Variants in SMARCA5 observed in about 807,000 individuals in gnomAD.
SMARCA5 encodes the protein SNF2 related chromatin remodeling ATPase 5.
In SMARCA5, 18 loss-of-function variants were observed where a neutral mutation model predicts 140.4. The observed-to-expected ratio is 0.13, with a 90% CI of 0.09 to 0.19. The LOEUF (loss-of-function observed/expected upper bound fraction) is 0.19, where lower values mean the gene tolerates loss of function less well. Ranked by LOEUF, SMARCA5 falls within the 10% of genes least tolerant of loss-of-function variation. SMARCA5 has a pLI of 1.00. For missense variants in SMARCA5, 606 were observed against 1,276.8 expected, an observed-to-expected ratio of 0.47 and a Z score of 8.01; for synonymous variants, 449 against 419.6, an observed-to-expected ratio of 1.07 and a Z score of -0.86.
Position 143,543,792 on chromosome 4 carries a change from G to T in SMARCA5, c.2053-61G>T, listed in dbSNP as rs200915953. The T allele has an allele frequency of 3.5e-4, 542 of 1,558,896 alleles. 2 individuals carry two copies. The South Asian group carries it at 6.2e-3, about 18-fold the overall frequency. ...TGTGTACGTGAAGTTAATTTATTTT[G>T]ACTGCAGTTTTCATGCTTTCTTTGC... On this transcript the variant is annotated intron_variant, in intron 15 of 23. Transcript: ENST00000283131.
rs1261503447 is a variant in SMARCA5, at chr4:143,546,898, T to C, written c.2643T>C (p.Ile881=). ...AAGGCAAAACTCCAGAAGAAGTCAT[T>C]GAATATTCAGGTAATTCTTTTAAGC... ...EVEGKTPEEV[I]EYSAVFWERC... Residue 881 remains isoleucine (I), a synonymous_variant, in exon 20 of 24, where the codon ATT becomes ATC. Coordinates refer to ENST00000283131, the MANE Select transcript of SMARCA5 (RefSeq NM_003601.4). 1 of 1,612,676 alleles carries C rather than the reference T, an allele frequency of 6.2e-7. No homozygotes were observed. Among genetic ancestry groups the C allele is most frequent in the Admixed American group, 1.7e-5 (1 of 59,958 alleles).
intron 12 of SMARCA5, 36 bp from the exon 13 acceptor site, chr4:143,538,750 A>G: frequency 1.2e-6 from 2 of 1,613,410 alleles, no homozygotes; most frequent in Non-Finnish European, 1.7e-6. Context: ...AAAGAATCAG[A>G]TAAATTTTTT....
chr4:143,541,422 C>A (rs958685766), intron 14 of SMARCA5, among the ~76,000 whole-genome samples: 1 of 152,166 alleles, frequency 6.6e-6, no homozygotes. Context: ...TCTTTGGTAT[C>A]CCTAATGCTA....
chr4:143,537,466 A>G (rs1029708521), intron 11 of SMARCA5, among the ~76,000 whole-genome samples: 1 of 152,200 alleles, frequency 6.6e-6, no homozygotes, highest in Non-Finnish European at 1.5e-5. Context: ...TTGTCAGTGA[A>G]TGGGTTTACT....
intron 17 of SMARCA5, among the ~76,000 whole-genome samples, chr4:143,545,220 C>T (rs368750306): frequency 1.2e-3 from 177 of 152,216 alleles, no homozygotes; most frequent in African/African-American, 4.0e-3. Context: ...GGATTACAGG[C>T]GTGAGCCACT....
chr4:143,516,238 T>C (rs1288708544), intron 1 of SMARCA5, among the ~76,000 whole-genome samples: 1 of 148,416 alleles, frequency 6.7e-6, no homozygotes, highest in Non-Finnish European at 1.5e-5. Context: ...GTGACAAAGC[T>C]GATTTTCCCA....
At chr4:143,544,475 A>C (rs1737484698) in intron 16 of SMARCA5, 1 of 270,834 alleles carries the variant, frequency 3.7e-6, no homozygotes, top group African/African-American at 2.2e-5. Context: ...TTAGATTTAT[A>C]CCAAACATTC....
chr4:143,535,959 G>A lies in SMARCA5; in HGVS notation c.1269-493G>A, dbSNP rs533610513. Among the ~76,000 whole-genome samples the A allele has an allele frequency of 5.3e-5, 8 of 152,050 alleles. No individual in the cohort carries two copies. In the South Asian group the frequency reaches 1.7e-3, roughly 32 times the overall value. On this transcript the variant is annotated intron_variant, in intron 10 of 23. Transcript: ENST00000283131. ...TTTATACGTATGTTTAAGTCACGTTGTATTCATATTATTCTCATCATCATG... is the reference window on the plus strand; with the variant it reads ...TTTATACGTATGTTTAAGTCACGTTATATTCATATTATTCTCATCATCATG...
chr4:143,543,294 C>T (rs899409309), intron 14 of SMARCA5, among the ~76,000 whole-genome samples: 1 of 152,096 alleles, frequency 6.6e-6, no homozygotes, highest in African/African-American at 2.4e-5. Context: ...TTATATAATA[C>T]ATAAGGTTTA....
At chr4:143,527,452 T>C (rs1443533046) in intron 6 of SMARCA5, among the ~76,000 whole-genome samples, 1 of 152,216 alleles carries the variant, frequency 6.6e-6, no homozygotes, top group Admixed American at 6.5e-5. Context: ...ATAATACTAT[T>C]AGGAATGTGT....
rs1737715877 is a variant in SMARCA5, at chr4:143,554,879, A to T, written c.*1695A>T. ...AGATACACAGTGGAAATGCAAAATG[A>T]ATCAAGTATAGTGGTAGCCCTGAGA... On this transcript the variant is annotated 3_prime_UTR_variant, in exon 24 of 24. Coordinates refer to ENST00000283131, the MANE Select transcript of SMARCA5 (RefSeq NM_003601.4). 1 of 230,986 alleles carries T rather than the reference A, an allele frequency of 4.3e-6. No homozygotes were observed. Among genetic ancestry groups the T allele is most frequent in the African/African-American group, 2.3e-5 (1 of 43,468 alleles). 14.3% of individuals were successfully genotyped at this position (230,986 alleles called of 1,614,324 possible).
At position 143,515,328 on chromosome 4, in the gene SMARCA5, C is replaced by T. The variant is rs140393226; in HGVS notation, c.177+1227C>T. 2.0e-5 allele frequency among the ~76,000 whole-genome samples: 3 copies of T among 152,200 alleles called. No individual in the cohort carries two copies. The East Asian group carries it at 5.8e-4, about 29-fold the overall frequency. ...GTGACATAGGAACTCCTGATAGTTC[C>T]TGTAGTTTTGAGTGATTAAGATAAG... On this transcript the variant is annotated intron_variant, in intron 1 of 23. Transcript: ENST00000283131.
chr4:143,544,668 C>T, intron 16 of SMARCA5, 69 bp from the exon 17 acceptor site: 1 of 864,670 alleles, frequency 1.2e-6, no homozygotes. Flanking sequence ...TTACAAACAT[C>T]CTTCTTGATG....
At chr4:143,535,040 T>C (rs1737275325) in intron 10 of SMARCA5, 76 bp downstream of exon 10, 1 of 1,013,048 alleles carries the variant, frequency 9.9e-7, no homozygotes, top group Non-Finnish European at 1.4e-6. Context: ...TTTCCTAATT[T>C]GTGTCTTCAT....
intron 4 of SMARCA5, 129 bp downstream of exon 4, chr4:143,524,596 G>A (rs1466550279): frequency 3.3e-6 from 2 of 598,432 alleles, no homozygotes; most frequent in African/African-American, 3.7e-5. Flanking sequence ...TATTGGTTAT[G>A]AAATAAACTT....
At chr4:143,547,776 C>T (rs7687839) in intron 21 of SMARCA5, 152 bp from the exon 22 acceptor site, 296,109 of 542,690 alleles carry the variant, frequency 0.55, 82,483 homozygotes, top group Middle Eastern at 0.58. Context: ...AAAGGTCTTT[C>T]GGGACAAAGA....
intron 22 of SMARCA5, among the ~76,000 whole-genome samples, chr4:143,549,112 G>A (rs1737587530): frequency 6.6e-6 from 1 of 152,010 alleles, no homozygotes; most frequent in African/African-American, 2.4e-5. Context: ...ATTTTATAGT[G>A]ATTGTAACAA....
chr4:143,555,655 T>G lies in SMARCA5; in HGVS notation c.*2471T>G, dbSNP rs1462475836. On this transcript the variant is annotated 3_prime_UTR_variant, in exon 24 of 24. Transcript: ENST00000283131. Reference sequence around the variant, plus strand: ...TGGAGGCTATTATAAAGTGTAATTATTACTACTTTTAAGAGACAGGGTCTT... The same window carrying G: ...TGGAGGCTATTATAAAGTGTAATTAGTACTACTTTTAAGAGACAGGGTCTT... 4.1e-6 allele frequency: 1 copy of G among 243,312 alleles called. No homozygotes were observed. Among genetic ancestry groups the G allele is most frequent in the African/African-American group, 2.3e-5 (1 of 43,056 alleles). 15.1% of individuals were successfully genotyped at this position (243,312 alleles called of 1,614,324 possible).
chr4:143,544,694 G>C (rs768969534), intron 16 of SMARCA5, 43 bp from the exon 17 acceptor site: 3 of 1,030,100 alleles, frequency 2.9e-6, no homozygotes, highest in Non-Finnish European at 4.5e-6. Flanking sequence ...TTGTTACTGT[G>C]TATAATAAAA....
Sources: allele counts gnomAD v4.1 joint callset (sites outside exome capture counted in the v4.1 genomes callset), GRCh38; gene constraint gnomAD v4.1.1; transcripts MANE v1.5; gene names NCBI Gene and HGNC (gene_info 2026-07-23, HGNC 2026-07-21).